RABL3: variants seen among roughly 807,000 people sequenced by gnomAD.
RABL3 encodes rab-like protein 3.
In RABL3, 31 loss-of-function variants were observed where a neutral mutation model predicts 31.8. The observed-to-expected ratio is 0.97, with a 90% confidence interval of 0.73 to 1.31. RABL3 has a LOEUF of 1.31. RABL3 is among the 40% of genes most tolerant of loss of function. The pLI, the probability that RABL3 is intolerant of heterozygous loss-of-function variation, is 0.00. For missense variants in RABL3, 263 were observed against 279.6 expected, an observed-to-expected ratio of 0.94 and a Z score of 0.42; for synonymous variants, 97 against 99.9, an observed-to-expected ratio of 0.97 and a Z score of 0.18.
chr3:120,689,873 C>G lies in RABL3; in HGVS notation c.661G>C (p.Asp221His), dbSNP rs770064143. Reference protein sequence around the residue: ...REGNQIPGFPDRKRFGAGTLK... With the variant: ...REGNQIPGFPHRKRFGAGTLK... ...GTTCCTGCCCCAAATCTTTTCCGAT[C>G]AGGAAAGCCTGGAATCTGTAGGCAA... Residue 221 changes from aspartate to histidine, a missense_variant, in exon 8 of 8, where the codon GAT (aspartate) becomes CAT (histidine). Coordinates refer to ENST00000273375, the MANE Select transcript of RABL3 (RefSeq NM_173825.5). 8.7e-6 allele frequency: 14 copies of G among 1,612,656 alleles called. No individual in the cohort carries two copies. The African/African-American group carries it at 1.7e-4, about 20-fold the overall frequency.
chr3:120,742,287 C>T (rs1243439468), intron 1 of RABL3, among the ~76,000 whole-genome samples, 175 bp downstream of exon 1: 2 of 152,100 alleles, frequency 1.3e-5, no homozygotes, highest in African/African-American at 4.8e-5. Flanking sequence ...GACGACGCCG[C>T]CGCCACCGCG....
intron 2 of RABL3, among the ~76,000 whole-genome samples, chr3:120,713,044 T>C (rs2107584465): frequency 6.6e-6 from 1 of 152,266 alleles, no homozygotes; most frequent in Admixed American, 6.5e-5. Flanking sequence ...TTTTTTTCTC[T>C]AAATTATTTC....
At chr3:120,723,215 C>G (rs955250846) in intron 2 of RABL3, among the ~76,000 whole-genome samples, 1 of 152,140 alleles carries the variant, frequency 6.6e-6, no homozygotes. Context: ...GGATAAATTC[C>G]TGGACACATA....
intron 4 of RABL3, among the ~76,000 whole-genome samples, chr3:120,705,492 A>G (rs541431596): frequency 6.6e-6 from 1 of 152,316 alleles, no homozygotes; most frequent in Non-Finnish European, 1.5e-5. Context: ...ACTCATACTA[A>G]TATGGTCAAC....
At chr3:120,720,556 G>T (rs775117184) in intron 2 of RABL3, among the ~76,000 whole-genome samples, 10 of 152,174 alleles carry the variant, frequency 6.6e-5, no homozygotes, top group Non-Finnish European at 1.3e-4. Flanking sequence ...CTCAGTAGTC[G>T]ATTCAATCAA....
intron 1 of RABL3, among the ~76,000 whole-genome samples, chr3:120,735,057 G>A (rs563215559): frequency 7.1e-4 from 108 of 152,232 alleles, no homozygotes; most frequent in African/African-American, 2.4e-3. Flanking sequence ...TGCTGGCCTC[G>A]TAAAATGAGT....
At chr3:120,731,697 T>G (rs1378419060) in intron 1 of RABL3, among the ~76,000 whole-genome samples, 4 of 152,218 alleles carry the variant, frequency 2.6e-5, no homozygotes, top group Non-Finnish European at 5.9e-5. Flanking sequence ...TTGATCATAC[T>G]GTGTAGGAAC....
chr3:120,742,462 C>T lies in RABL3; in HGVS notation c.46G>A (p.Gly16Ser), dbSNP rs770549511. The stretch of plus-strand genomic sequence containing the variant: ...CCCAGAGGTAGGGTAAGCCGCTCAC[C>T]TGAGTCTCCCAACACCAGTACCTTC... Reference protein sequence around the residue: ...RVKVLVLGDSGVGKSSLVHLL... With the variant: ...RVKVLVLGDSSVGKSSLVHLL... The change falls in exon 1 of 8, where the codon GGT becomes AGT. Residue 16 changes from glycine to serine, a missense_variant and splice_region_variant. Coordinates refer to ENST00000273375, the MANE Select transcript of RABL3 (RefSeq NM_173825.5). 2 of 1,614,150 alleles carry T rather than the reference C, an allele frequency of 1.2e-6. No homozygotes were observed. The highest frequency in any genetic ancestry group is 1.7e-6 in the Non-Finnish European group (2 of 1,179,992).
At chr3:120,723,325 A>G (rs1486059078) in intron 2 of RABL3, among the ~76,000 whole-genome samples, 3 of 152,166 alleles carry the variant, frequency 2.0e-5, no homozygotes, top group Non-Finnish European at 4.4e-5. Context: ...CAAGCAAAAA[A>G]AGTCCAGGAC....
At chr3:120,721,223 G>A (rs545679453) in intron 2 of RABL3, among the ~76,000 whole-genome samples, 1 of 152,326 alleles carries the variant, frequency 6.6e-6, no homozygotes, top group East Asian at 1.9e-4. Flanking sequence ...ACCAGCCACT[G>A]CAAAAACATG....
At chr3:120,689,930 A>C in intron 7 of RABL3, 42 bp from the exon 8 acceptor site, 1 of 1,500,586 alleles carries the variant, frequency 6.7e-7, no homozygotes, top group Non-Finnish European at 9.3e-7. Flanking sequence ...TCAAGCAATA[A>C]AAGTTCAAAT....
At chr3:120,731,738 T>C (rs964104009) in intron 1 of RABL3, among the ~76,000 whole-genome samples, 1 of 152,156 alleles carries the variant, frequency 6.6e-6, no homozygotes, top group African/African-American at 2.4e-5. Flanking sequence ...TAAAAAGTTA[T>C]ATTTACAATC....
At chr3:120,735,866 T>A (rs1450572762) in intron 1 of RABL3, among the ~76,000 whole-genome samples, 1 of 152,234 alleles carries the variant, frequency 6.6e-6, no homozygotes, top group Non-Finnish European at 1.5e-5. Flanking sequence ...TGAGTGAGTT[T>A]CTCAATCCTG....
chr3:120,720,310 C>T (rs550155157), intron 2 of RABL3, among the ~76,000 whole-genome samples: 6 of 152,226 alleles, frequency 3.9e-5, no homozygotes, highest in Middle Eastern at 3.4e-3. Context: ...AGCTCATCAC[C>T]GACAATGGAG....
intron 4 of RABL3, among the ~76,000 whole-genome samples, chr3:120,701,244 C>T (rs903749687): frequency 1.3e-5 from 2 of 152,060 alleles, no homozygotes; most frequent in African/African-American, 4.8e-5. Flanking sequence ...CTTTTTTAAA[C>T]ATTGAATACT....
chr3:120,736,449 G>C (rs1708966902), intron 1 of RABL3, among the ~76,000 whole-genome samples: 1 of 152,158 alleles, frequency 6.6e-6, no homozygotes, highest in African/African-American at 2.4e-5. Context: ...CTGTACATGA[G>C]CTGGGTCTCC....
chr3:120,725,242 T>C lies in RABL3; in HGVS notation c.138+5454A>G, dbSNP rs537284205. ...CAGAGAAATGCAAATCAAAACCACA[T>C]TGAGATACCATTTCACTCCAATTAG... is the stretch of plus-strand genomic sequence containing the variant. On this transcript the variant is annotated intron_variant, in intron 2 of 7. Transcript: ENST00000273375. Among the ~76,000 whole-genome samples, 4 of 152,116 alleles carry C rather than the reference T, an allele frequency of 2.6e-5. No homozygotes were observed. In the South Asian group the frequency reaches 6.2e-4, roughly 24 times the overall value.
intron 2 of RABL3, chr3:120,722,170 A>C (rs1708751095): frequency 6.6e-6 from 1 of 152,158 alleles, no homozygotes; most frequent in African/African-American, 2.4e-5. Flanking sequence ...TAACAGCAGT[A>C]ATATTAATAA....
chr3:120,742,024 C>CCAGTGCACGTTTCTCAGTGCACGTTTCT (rs374090145), intron 1 of RABL3, among the ~76,000 whole-genome samples: 1 of 152,164 alleles, frequency 6.6e-6, no homozygotes, highest in Non-Finnish European at 1.5e-5. Context: ...GAAGCGCTTG[C>CCAGTGCACGTTTCTCAGTGCACGTTTCT]CAGTGCACGT....
Sources: gnomAD v4.1 joint callset for allele counts (sites outside exome capture counted in the v4.1 genomes callset) on GRCh38, gnomAD v4.1.1 for gene constraint, MANE v1.5 for transcripts, NCBI Gene and HGNC (gene_info 2026-07-23, HGNC 2026-07-21) for gene names.